Variants in DUSP11 observed in about 807,000 individuals in gnomAD.
DUSP11 encodes dual specificity phosphatase 11, also known as RNA/RNP complex-1-interacting phosphatase.
Under a neutral mutation model 41.4 loss-of-function variants are expected in DUSP11, and 27 were observed. The ratio of observed to expected loss-of-function variants is 0.65; its 90% CI spans 0.48 to 0.90. The LOEUF (loss-of-function observed/expected upper bound fraction) is 0.90, where lower values mean the gene tolerates loss of function less well. Ranked by LOEUF, DUSP11 falls within the 40% of genes least tolerant of loss-of-function variation. DUSP11 has a pLI of 0.00. For synonymous variants in DUSP11, 188 were observed against 159.3 expected (o/e 1.18, Z -1.35); for missense variants, 465 against 461.1 (o/e 1.01, Z -0.08).
At chr2:73,762,640 G>A (rs1021562696) in exon 9 of DUSP11, 1 of 1,583,988 alleles carries the variant, frequency 6.3e-7, no homozygotes, top group African/African-American at 1.3e-5. Context: ...TCTCCAGGTA[G>A]AATTCCAGGA....
At chr2:73,771,790 T>A (rs528746517) in intron 4 of DUSP11, among the ~76,000 whole-genome samples, 1 of 124,620 alleles carries the variant, frequency 8.0e-6, no homozygotes, top group African/African-American at 3.0e-5. Flanking sequence ...GCATGAGCCA[T>A]CGCGCCCGGC....
At chr2:73,778,627 C>A (rs563269283) in intron 1 of DUSP11, among the ~76,000 whole-genome samples, 57 of 152,252 alleles carry the variant, frequency 3.7e-4, no homozygotes, top group African/African-American at 1.3e-3. Context: ...TATATAAAAC[C>A]GGAGATACCC....
intron 8 of DUSP11, among the ~76,000 whole-genome samples, chr2:73,763,960 C>CAA (rs1672411294): frequency 6.6e-6 from 1 of 152,138 alleles, no homozygotes; most frequent in South Asian, 2.1e-4. Flanking sequence ...GCTACATTCT[C>CAA]CACTGTTAGA....
intron 8 of DUSP11, among the ~76,000 whole-genome samples, chr2:73,764,647 A>G (rs1181295820): frequency 6.6e-6 from 1 of 152,206 alleles, no homozygotes; most frequent in Non-Finnish European, 1.5e-5. Context: ...CCTGACAACC[A>G]CTACAATGGA....
intron 2 of DUSP11, among the ~76,000 whole-genome samples, chr2:73,777,224 C>A (rs1672705607): frequency 6.6e-6 from 1 of 152,206 alleles, no homozygotes; most frequent in African/African-American, 2.4e-5. Flanking sequence ...AGCGATACAC[C>A]CACCTTGCCT....
chr2:73,772,021 C>T (rs1014520466), intron 4 of DUSP11, among the ~76,000 whole-genome samples: 7 of 151,268 alleles, frequency 4.6e-5, no homozygotes, highest in East Asian at 1.9e-4. Context: ...GGGGTTTCAC[C>T]GTGTTAGCCA....
intron 8 of DUSP11, 47 bp from the exon 9 acceptor site, chr2:73,762,906 A>C (rs1199162827): frequency 1.3e-6 from 1 of 778,932 alleles, no homozygotes; most frequent in Non-Finnish European, 1.8e-6. Flanking sequence ...GATTAATACA[A>C]TAATTTTTAT....
chr2:73,778,182 AG>A lies in DUSP11; in HGVS notation c.318+118del, dbSNP rs567555052. ...TATGAACTTCATTTCAGGATAGTAA[AG>A]GGGTCATTACAAAGTATTTGCTATA... On this transcript the variant is annotated intron_variant, in intron 2 of 8. Transcript: ENST00000272444. The A allele has an allele frequency of 3.8e-4, 227 of 599,810 alleles. No individual in the cohort carries two copies. The African/African-American group carries it at 4.1e-3, about 11-fold the overall frequency. The allele number at this position is 599,810 out of a possible 1,614,324, so 37.2% of individuals were successfully genotyped here.
At chr2:73,768,957 A>AT (rs1672522744) in intron 5 of DUSP11, 1 of 200,454 alleles carries the variant, frequency 5.0e-6, no homozygotes, top group Non-Finnish European at 9.9e-6. Context: ...CTCCGTCTCA[A>AT]TAAAAAAAAA....
intron 2 of DUSP11, 119 bp downstream of exon 2, chr2:73,778,182 A>T: frequency 1.7e-6 from 1 of 599,810 alleles, no homozygotes; most frequent in Admixed American, 4.0e-5. Flanking sequence ...AGGATAGTAA[A>T]GGGGTCATTA....
At chr2:73,777,197 T>C (rs1672705072) in intron 2 of DUSP11, among the ~76,000 whole-genome samples, 1 of 152,222 alleles carries the variant, frequency 6.6e-6, no homozygotes, top group Non-Finnish European at 1.5e-5. Flanking sequence ...CAGGCTGGTC[T>C]AAAACTCCTG....
At chr2:73,769,220 A>G in intron 5 of DUSP11, 45 bp downstream of exon 5, 1 of 1,540,564 alleles carries the variant, frequency 6.5e-7, no homozygotes, top group South Asian at 1.1e-5. Context: ...TTGTAAACAG[A>G]CAAAAACAAT....
At chr2:73,766,681 C>T in intron 7 of DUSP11, 87 bp from the exon 8 acceptor site, 1 of 1,430,604 alleles carries the variant, frequency 7.0e-7, no homozygotes, top group Admixed American at 2.1e-5. Context: ...ATGAAAATAA[C>T]AATTTCTTCC....
intron 1 of DUSP11, among the ~76,000 whole-genome samples, chr2:73,778,633 T>C (rs1191913910): frequency 6.6e-6 from 1 of 152,114 alleles, no homozygotes; most frequent in Non-Finnish European, 1.5e-5. Flanking sequence ...AAACCGGAGA[T>C]ACCCAGAACT....
At chr2:73,768,670 A>C (rs1672516197) in intron 5 of DUSP11, 1 of 985,388 alleles carries the variant, frequency 1.0e-6, no homozygotes, top group Non-Finnish European at 1.2e-6. Flanking sequence ...AAGAATAAGG[A>C]GTCTGGCCAG....
intron 5 of DUSP11, chr2:73,768,381 G>C (rs1672511328): frequency 1.1e-6 from 1 of 912,140 alleles, no homozygotes; most frequent in Non-Finnish European, 1.3e-6. Flanking sequence ...AAGTCTCTTT[G>C]CTAACACGCA....
chr2:73,765,461 C>A (rs1162712679), intron 8 of DUSP11, among the ~76,000 whole-genome samples: 1 of 152,188 alleles, frequency 6.6e-6, no homozygotes, highest in Non-Finnish European at 1.5e-5. Flanking sequence ...CCCTGGTTCT[C>A]CAGTTTGCAG....
At chr2:73,766,355 T>C (rs1002339411) in intron 8 of DUSP11, 63 bp downstream of exon 8, 10 of 1,433,918 alleles carry the variant, frequency 7.0e-6, no homozygotes, top group African/African-American at 1.4e-5. Flanking sequence ...CATAATGTGT[T>C]TTCATTAACT....
At chr2:73,770,349 T>C (rs1310246105) in intron 4 of DUSP11, among the ~76,000 whole-genome samples, 1 of 151,538 alleles carries the variant, frequency 6.6e-6, no homozygotes, top group Non-Finnish European at 1.5e-5. Flanking sequence ...ACCCCATCTC[T>C]ACTAAAAATA....
Sources: gnomAD v4.1 joint callset for allele counts (sites outside exome capture counted in the v4.1 genomes callset) on GRCh38, gnomAD v4.1.1 for gene constraint, MANE v1.5 for transcripts, NCBI Gene and HGNC (gene_info 2026-07-23, HGNC 2026-07-21) for gene names.